Variants in ANXA11 observed in about 807,000 individuals in gnomAD.
The protein encoded by ANXA11 is annexin A11.
In ANXA11, 57 loss-of-function variants were observed where a neutral mutation model predicts 64.7. That is an observed-to-expected ratio of 0.88 (90% confidence interval 0.71 to 1.10). ANXA11 has a LOEUF of 1.10. ANXA11 is among the 50% of genes least tolerant of loss of function. The pLI is 0.00. For missense variants in ANXA11, 675 were observed against 670.7 expected (o/e 1.01, Z -0.07); for synonymous variants, 260 against 265.2 (o/e 0.98, Z 0.19).
chr10:80,187,196 T>C (rs1311161282), intron 1 of ANXA11, among the ~76,000 whole-genome samples: 1 of 152,216 alleles, frequency 6.6e-6, no homozygotes, highest in Non-Finnish European at 1.5e-5. Context: ...ATTCATTTAT[T>C]GAAATCCCAA....
At chr10:80,180,019 G>C (rs1371183043) in intron 1 of ANXA11, among the ~76,000 whole-genome samples, 3 of 152,176 alleles carry the variant, frequency 2.0e-5, no homozygotes, top group Non-Finnish European at 4.4e-5. Context: ...CAAAAGCATA[G>C]AGCAGCTATC....
At chr10:80,192,002 A>C (rs1398714089) in intron 1 of ANXA11, among the ~76,000 whole-genome samples, 1 of 152,192 alleles carries the variant, frequency 6.6e-6, no homozygotes, top group Non-Finnish European at 1.5e-5. Context: ...CCCAGGCTAG[A>C]GCTCATCGTC....
intron 12 of ANXA11, among the ~76,000 whole-genome samples, chr10:80,160,317 G>A (rs973770658): frequency 1.3e-5 from 2 of 152,184 alleles, no homozygotes; most frequent in African/African-American, 4.8e-5. Context: ...TAGTGCAGAG[G>A]TTAAAAAGTG....
chr10:80,181,770 CA>C (rs1812818127), intron 1 of ANXA11, among the ~76,000 whole-genome samples: 1 of 152,102 alleles, frequency 6.6e-6, no homozygotes, highest in Non-Finnish European at 1.5e-5. Context: ...GGCCAAAATC[CA>C]AAACACTGAT....
chr10:80,201,634 G>C (rs1383942334), intron 1 of ANXA11, among the ~76,000 whole-genome samples: 1 of 152,194 alleles, frequency 6.6e-6, no homozygotes, highest in Non-Finnish European at 1.5e-5. Flanking sequence ...ACACCACGCA[G>C]GGCGAGGCCA....
At chr10:80,166,804 C>T in intron 7 of ANXA11, 86 bp downstream of exon 7, 2 of 1,050,322 alleles carry the variant, frequency 1.9e-6, no homozygotes, top group Non-Finnish European at 2.8e-6. Context: ...GAGATCCGGG[C>T]CCACCCAAGG....
intron 15 of ANXA11, chr10:80,157,238 C>T: frequency 1.0e-6 from 1 of 985,456 alleles, no homozygotes; most frequent in Non-Finnish European, 1.2e-6. Flanking sequence ...CTCTGAACGG[C>T]CTTACTATGT....
chr10:80,170,697 C>T, intron 4 of ANXA11, 103 bp downstream of exon 4: 1 of 897,344 alleles, frequency 1.1e-6, no homozygotes, highest in East Asian at 3.0e-5. Flanking sequence ...ACCACAGCAA[C>T]ACACACATAG....
In ANXA11 at chr10:80,157,690, C is replaced by T. The variant is rs371825050; in HGVS notation, c.1409G>A (p.Arg470Lys). ...GCCGTACATCCGCTTATACTCTGAT[C>T]TGATGTCCAGGAGGTCGGTCTCGCT... is the stretch of plus-strand genomic sequence containing the variant. ...SRSETDLLDI[R>K]SEYKRMYGKS... The change falls in exon 15 of 16, where the codon AGA (arginine) becomes AAA (lysine). Residue 470 changes from arginine (R) to lysine (K), a missense_variant. By Grantham distance (26) the Arg-to-Lys change is conservative. Transcript: ENST00000422982. 2 of 1,614,034 alleles carry T rather than the reference C, an allele frequency of 1.2e-6. No individual in the cohort carries two copies. Among genetic ancestry groups the T allele is most frequent in the East Asian group, 4.5e-5 (2 of 44,854 alleles).
At chr10:80,166,855 GC>G (rs1421684308) in intron 7 of ANXA11, 34 bp downstream of exon 7, 2 of 1,501,108 alleles carry the variant, frequency 1.3e-6, no homozygotes, top group East Asian at 2.4e-5. Flanking sequence ...CCCAGGACAC[GC>G]CTCACTGTCC....
chr10:80,197,797 G>A (rs950157862), intron 1 of ANXA11, among the ~76,000 whole-genome samples: 4 of 152,058 alleles, frequency 2.6e-5, no homozygotes, highest in African/African-American at 9.7e-5. Flanking sequence ...AGTGGCGGGC[G>A]CCTGTAGTCC....
rs372045303 is a variant in ANXA11 at position 80,162,730 on chromosome 10, GC to G, written c.1086+618del. ...ACTGGCAGCTCCTGGTGAATGCCCT[GC>G]CGTGGATGACAAGAGCAGTGAAGGG... On this transcript the variant is annotated intron_variant, in intron 11 of 15. Transcript: ENST00000422982. Among the ~76,000 whole-genome samples, 455 of 152,330 alleles carry G rather than the reference GC, an allele frequency of 3.0e-3. 4 individuals are homozygous for G. Among genetic ancestry groups the G allele is most frequent in the African/African-American group, 0.01 (433 of 41,572 alleles).
At chr10:80,192,651 C>T (rs2132485615) in intron 1 of ANXA11, among the ~76,000 whole-genome samples, 1 of 152,280 alleles carries the variant, frequency 6.6e-6, no homozygotes, top group East Asian at 1.9e-4. Flanking sequence ...AAAGAAAGAA[C>T]AAGGGTCCTT....
In ANXA11 at chr10:80,168,945, G is replaced by A. The variant is rs1424937660; in HGVS notation, c.561+24C>T. The A allele has an allele frequency of 2.0e-6, 3 of 1,502,590 alleles. No individual in the cohort carries two copies. The African/African-American group carries it at 4.2e-5, about 21-fold the overall frequency. The allele number at this position is 1,502,590 out of a possible 1,614,324, so 93.1% of individuals were successfully genotyped here. ...CCTTTGGGGCCCAGGCCTGGACCAAGGGAGGCAGTGGGCTGACACTCACCT... is the reference window on the plus strand; with the variant it reads ...CCTTTGGGGCCCAGGCCTGGACCAAAGGAGGCAGTGGGCTGACACTCACCT... On this transcript the variant is annotated intron_variant, in intron 5 of 15. Transcript: ENST00000422982.
At chr10:80,188,136 T>C (rs1463668777) in intron 1 of ANXA11, among the ~76,000 whole-genome samples, 3 of 151,698 alleles carry the variant, frequency 2.0e-5, no homozygotes, top group Non-Finnish European at 4.4e-5. Flanking sequence ...AATTACTCTC[T>C]CTCACACACT....
chr10:80,202,732 C>T (rs1475088918), intron 1 of ANXA11, among the ~76,000 whole-genome samples: 9 of 152,030 alleles, frequency 5.9e-5, no homozygotes, highest in African/African-American at 1.7e-4. Context: ...TTCAGGCTTA[C>T]GGGGGAAAAC....
chr10:80,176,881 TCTCC>T (rs1013449493), intron 1 of ANXA11, among the ~76,000 whole-genome samples: 2 of 151,982 alleles, frequency 1.3e-5, no homozygotes, highest in African/African-American at 4.8e-5. Flanking sequence ...GGTCTTCCCC[TCTCC>T]CCAAGATATA....
At chr10:80,171,113 C>T (rs774420907) in intron 3 of ANXA11, 198 bp from the exon 4 acceptor site, 223 of 1,491,930 alleles carry the variant, frequency 1.5e-4, no homozygotes, top group Non-Finnish European at 1.9e-4. Flanking sequence ...GGGAAACCTT[C>T]CCCTCTTCCC....
At chr10:80,179,844 G>A (rs2132448224) in intron 1 of ANXA11, among the ~76,000 whole-genome samples, 1 of 152,290 alleles carries the variant, frequency 6.6e-6, no homozygotes, top group Non-Finnish European at 1.5e-5. Context: ...TGCTGCCACT[G>A]GACCGCCCCA....
Sources: gnomAD v4.1 joint callset for allele counts (sites outside exome capture counted in the v4.1 genomes callset) on GRCh38, gnomAD v4.1.1 for gene constraint, MANE v1.5 for transcripts, NCBI Gene and HGNC (gene_info 2026-07-23, HGNC 2026-07-21) for gene names.